The following STX3 variants were observed in gnomAD, a reference collection of about 807,000 sequenced individuals.
STX3 encodes syntaxin-3.
STX3 carries 19 observed loss-of-function variants against 40.2 expected under a neutral mutation model. The observed-to-expected ratio is 0.47, with a 90% CI of 0.33 to 0.69. STX3 has a LOEUF of 0.69. STX3 is among the 30% of genes least tolerant of loss of function. The pLI, the probability that STX3 is intolerant of heterozygous loss-of-function variation, is 0.02. For synonymous variants in STX3, 122 were observed against 132.2 expected (o/e 0.92, Z 0.53); for missense variants, 364 against 366.7 (o/e 0.99, Z 0.06).
At chr11:59,800,815 TC>T in intron 10 of STX3, 39 bp from the exon 11 acceptor site, 2 of 1,536,120 alleles carry the variant, frequency 1.3e-6, no homozygotes, top group Middle Eastern at 3.3e-4. Context: ...TTTGCCTTCT[TC>T]CTGTGTACTG....
intron 10 of STX3, among the ~76,000 whole-genome samples, chr11:59,798,498 A>G (rs1344318707): frequency 6.6e-6 from 1 of 151,626 alleles, no homozygotes; most frequent in East Asian, 1.9e-4. Flanking sequence ...CCCGGCCTGA[A>G]TCAAAACAAA....
intron 10 of STX3, among the ~76,000 whole-genome samples, chr11:59,799,272 T>G (rs892173655): frequency 6.6e-6 from 1 of 152,216 alleles, no homozygotes; most frequent in African/African-American, 2.4e-5. Flanking sequence ...AACATAAAAC[T>G]AATGAACTTT....
In STX3 at chr11:59,779,797, G is replaced by A. The variant is rs76111334; in HGVS notation, c.114+6503G>A. 7.1e-3 allele frequency among the ~76,000 whole-genome samples: 1,083 copies of A among 152,282 alleles called. 11 individuals carry two copies. The highest frequency in any genetic ancestry group is 0.024 in the African/African-American group (985 of 41,534). ...GTGAGGGGTGGGTGGAGCAATACCT[G>A]GCTGGAGGAGCTGTGAGGTGACCAG... On this transcript the variant is annotated intron_variant, in intron 2 of 10. Coordinates refer to ENST00000337979, the MANE Select transcript of STX3 (RefSeq NM_004177.5).
intron 1 of STX3, among the ~76,000 whole-genome samples, chr11:59,760,291 C>A (rs1028254035): frequency 2.0e-5 from 3 of 152,158 alleles, no homozygotes; most frequent in Non-Finnish European, 4.4e-5. Flanking sequence ...GTCAAAATTT[C>A]TACCCATCTT....
At position 59,781,217 on chromosome 11, in the gene STX3, G is replaced by GA. The variant is rs550908057; in HGVS notation, c.115-5810dup. On this transcript the variant is annotated intron_variant, in intron 2 of 10. Coordinates refer to ENST00000337979, the MANE Select transcript of STX3 (RefSeq NM_004177.5). ...GATAAAGATAATTGAACACAGTAAT[G>GA]AAAAAAAAAAGAAAGAAACAGTATG... 4.9e-3 allele frequency: 3,421 copies of GA among 700,806 alleles called. 2 individuals carry two copies. The highest frequency in any genetic ancestry group is 0.021 in the Middle Eastern group (49 of 2,390). The allele number at this position is 700,806 out of a possible 1,614,324, so 43.4% of individuals were successfully genotyped here.
At chr11:59,788,828 A>G (rs371639598) in intron 3 of STX3, 45 bp from the exon 4 acceptor site, 209 of 1,524,450 alleles carry the variant, frequency 1.4e-4, no homozygotes, top group Non-Finnish European at 1.8e-4. Context: ...CAAAGGAATC[A>G]GTCCTCTCCT....
In STX3 at chr11:59,790,419, G is replaced by T. The variant is rs1258699265; in HGVS notation, c.290-100G>T. 3 of 909,968 alleles carry T rather than the reference G, an allele frequency of 3.3e-6. No homozygotes were observed. The South Asian group carries it at 4.1e-5, about 12-fold the overall frequency. The allele number at this position is 909,968 out of a possible 1,614,324, so 56.4% of individuals were successfully genotyped here. On this transcript the variant is annotated intron_variant, in intron 4 of 10. Coordinates refer to ENST00000337979, the MANE Select transcript of STX3 (RefSeq NM_004177.5). The stretch of plus-strand genomic sequence containing the variant: ...GGTGACACCTACCTGTTACATCTCC[G>T]TGGGCTGGATGTGTGGGAATGAGTG...
chr11:59,782,194 A>G (rs961278581), intron 2 of STX3, among the ~76,000 whole-genome samples: 2 of 152,218 alleles, frequency 1.3e-5, no homozygotes, highest in Non-Finnish European at 2.9e-5. Flanking sequence ...TTTTAGTTAT[A>G]GTTATTAGTA....
intron 4 of STX3, among the ~76,000 whole-genome samples, chr11:59,789,881 T>C (rs1251421919): frequency 6.6e-6 from 1 of 152,258 alleles, no homozygotes; most frequent in Non-Finnish European, 1.5e-5. Flanking sequence ...TATAGTTCAA[T>C]GAAGCTACTG....
chr11:59,795,284 A>G, intron 8 of STX3, 88 bp from the exon 9 acceptor site: 2 of 1,105,112 alleles, frequency 1.8e-6, no homozygotes, highest in Non-Finnish European at 1.3e-6. Flanking sequence ...TTGCCACTGA[A>G]GATTGTAAGA....
chr11:59,791,485 G>C (rs888710654), intron 5 of STX3, among the ~76,000 whole-genome samples: 2 of 152,166 alleles, frequency 1.3e-5, no homozygotes, highest in African/African-American at 4.8e-5. Flanking sequence ...CAGGAAACTG[G>C]AAGGTCCCTA....
At chr11:59,787,236 C>A in intron 3 of STX3, 100 bp downstream of exon 3, 1 of 971,848 alleles carries the variant, frequency 1.0e-6, no homozygotes, top group Non-Finnish European at 1.6e-6. Context: ...GGGAAGTGTA[C>A]AAGTTACAGG....
chr11:59,798,303 A>G (rs1466128829), intron 10 of STX3, among the ~76,000 whole-genome samples: 17 of 139,630 alleles, frequency 1.2e-4, no homozygotes, highest in East Asian at 8.8e-4. Flanking sequence ...CGCCTCCTGG[A>G]TTCAAGCAAT....
At chr11:59,785,589 T>C (rs1342532383) in intron 2 of STX3, among the ~76,000 whole-genome samples, 1 of 152,106 alleles carries the variant, frequency 6.6e-6, no homozygotes, top group Non-Finnish European at 1.5e-5. Flanking sequence ...CCTCGGCCTC[T>C]CAAAGTGCTG....
At chr11:59,799,351 T>C (rs1865737877) in intron 10 of STX3, among the ~76,000 whole-genome samples, 1 of 152,248 alleles carries the variant, frequency 6.6e-6, no homozygotes, top group Non-Finnish European at 1.5e-5. Flanking sequence ...GTTCAGACTA[T>C]ATTATCCAGT....
At chr11:59,794,028 T>C (rs1204317988) in intron 8 of STX3, among the ~76,000 whole-genome samples, 1 of 152,206 alleles carries the variant, frequency 6.6e-6, no homozygotes, top group African/African-American at 2.4e-5. Flanking sequence ...GAAAATGTGA[T>C]CTTTTCTCTA....
At chr11:59,775,287 G>A (rs1863901812) in intron 2 of STX3, among the ~76,000 whole-genome samples, 1 of 152,210 alleles carries the variant, frequency 6.6e-6, no homozygotes, top group African/African-American at 2.4e-5. Context: ...ACAACACTTA[G>A]GCTTTGTGAG....
rs1183679683 is a variant in STX3 at position 59,802,086 on chromosome 11, C to T, written c.*1262C>T. 1 of 985,424 alleles carries T rather than the reference C, an allele frequency of 1.0e-6. No individual in the cohort carries two copies. The highest frequency in any genetic ancestry group is 1.1e-4 in the East Asian group (1 of 8,814). 61.0% of individuals were successfully genotyped at this position (985,424 alleles called of 1,614,324 possible). A position where few individuals can be genotyped will look rare whatever the true frequency, so the allele number is the denominator to read the frequency against. On this transcript the variant is annotated 3_prime_UTR_variant, in exon 11 of 11. Transcript: ENST00000337979. ...TGCTAGGCTTGTCCTGAGAACATCC[C>T]TCAGTAACTTGATATTCACATGACC...
Position 59,802,652 on chromosome 11 carries a change from T to G in STX3, c.*1828T>G, listed in dbSNP as rs1865933793. 2 of 985,644 alleles carry G rather than the reference T, an allele frequency of 2.0e-6. No individual in the cohort carries two copies. The highest frequency in any genetic ancestry group is 4.7e-5 in the South Asian group (1 of 21,290). The allele number at this position is 985,644 out of a possible 1,614,324, so 61.1% of individuals were successfully genotyped here. A position where few individuals can be genotyped will look rare whatever the true frequency, so the allele number is the denominator to read the frequency against. On this transcript the variant is annotated 3_prime_UTR_variant, in exon 11 of 11. Transcript: ENST00000337979. ...TTGTTTGTATTTTTTAGATGTAAAC[T>G]TGATTATTTTATTGCTAATTTAAAA...
Sources: gnomAD v4.1 joint callset for allele counts (sites outside exome capture counted in the v4.1 genomes callset) on GRCh38, gnomAD v4.1.1 for gene constraint, MANE v1.5 for transcripts, NCBI Gene and HGNC (gene_info 2026-07-23, HGNC 2026-07-21) for gene names.